ESR1: variants seen among roughly 807,000 people sequenced by gnomAD.
ESR1 encodes estrogen receptor 1, also known as estrogen receptor.
Under a neutral mutation model 52.7 loss-of-function variants are expected in ESR1, and 12 were observed. The observed-to-expected ratio is 0.23, with a 90% CI of 0.15 to 0.37. The LOEUF is 0.37. Among genes scored for constraint, ESR1 ranks in the 10% least tolerant of loss-of-function variants. The probability of loss-of-function intolerance (pLI) is 1.00; values close to 1 mark genes in which losing one functional copy is unlikely to be tolerated. For missense variants in ESR1, 584 were observed against 779.7 expected (o/e 0.75, Z 2.99); for synonymous variants, 305 against 316.8 (o/e 0.96, Z 0.39).
intron 5 of ESR1, among the ~76,000 whole-genome samples, chr6:152,045,108 C>T (rs931002161): frequency 6.6e-6 from 1 of 152,156 alleles, no homozygotes; most frequent in East Asian, 1.9e-4. Flanking sequence ...CATGTTAACT[C>T]AGTCTTAATC....
chr6:151,880,478 G>A (rs1792704644), intron 2 of ESR1, among the ~76,000 whole-genome samples, 177 bp from the exon 3 acceptor site: 1 of 152,104 alleles, frequency 6.6e-6, no homozygotes, highest in African/African-American at 2.4e-5. Context: ...ACCGTGCCCG[G>A]CCCATGAGAG....
intron 2 of ESR1, among the ~76,000 whole-genome samples, chr6:151,705,578 C>T (rs1201237237): frequency 6.6e-6 from 1 of 152,106 alleles, no homozygotes; most frequent in Non-Finnish European, 1.5e-5. Flanking sequence ...TGTCCATTTC[C>T]ACTAATGAAT....
At chr6:152,082,143 G>A (rs529097923) in intron 6 of ESR1, among the ~76,000 whole-genome samples, 4 of 152,234 alleles carry the variant, frequency 2.6e-5, no homozygotes, top group African/African-American at 7.2e-5. Flanking sequence ...ACCAAAACCT[G>A]GCAGAGACAC....
chr6:152,014,576 G>A (rs778624069), intron 5 of ESR1, among the ~76,000 whole-genome samples: 2 of 152,032 alleles, frequency 1.3e-5, no homozygotes, highest in Non-Finnish European at 2.9e-5. Context: ...AGACACTAAA[G>A]CTAGAAGCTT....
intron 3 of ESR1, among the ~76,000 whole-genome samples, chr6:151,933,570 A>G (rs1486641888): frequency 2.0e-5 from 3 of 151,972 alleles, no homozygotes; most frequent in African/African-American, 7.3e-5. Context: ...TTGCCCATTC[A>G]GTATGATATT....
intron 2 of ESR1, among the ~76,000 whole-genome samples, chr6:151,731,943 T>C (rs1047662848): frequency 6.6e-6 from 1 of 152,078 alleles, no homozygotes; most frequent in Non-Finnish European, 1.5e-5. Context: ...CACTGTGAAG[T>C]AGAAGACAAG....
At chr6:151,893,393 T>C (rs1794984041) in intron 3 of ESR1, among the ~76,000 whole-genome samples, 1 of 152,100 alleles carries the variant, frequency 6.6e-6, no homozygotes. Context: ...AGATAATACA[T>C]GGTTTAGTTT....
downstream of ESR1, among the ~76,000 whole-genome samples, chr6:152,105,975 A>G (rs1035334036): frequency 5.5e-5 from 8 of 145,090 alleles, no homozygotes; most frequent in South Asian, 2.3e-4. Context: ...TTTTTTTTTT[A>G]GTAGAGACGG....
chr6:151,967,091 T>G (rs1430312844), intron 4 of ESR1, among the ~76,000 whole-genome samples: 1 of 152,218 alleles, frequency 6.6e-6, no homozygotes, highest in African/African-American at 2.4e-5. Flanking sequence ...TCCTTTTTCA[T>G]TGCAGTTTTC....
At chr6:151,721,352 A>G (rs1781447011) in intron 2 of ESR1, among the ~76,000 whole-genome samples, 1 of 152,174 alleles carries the variant, frequency 6.6e-6, no homozygotes, top group African/African-American at 2.4e-5. Context: ...CAGATCACTC[A>G]AGGGTTTGGT....
At chr6:151,830,132 T>G (rs1782159060) in intron 1 of ESR1, among the ~76,000 whole-genome samples, 6 of 152,212 alleles carry the variant, frequency 3.9e-5, no homozygotes, top group Admixed American at 3.9e-4. Flanking sequence ...GTTTTCATAT[T>G]TGGAGTTCTG....
At chr6:151,915,610 C>T (rs575455640) in intron 3 of ESR1, among the ~76,000 whole-genome samples, 1 of 152,186 alleles carries the variant, frequency 6.6e-6, no homozygotes, top group East Asian at 1.9e-4. Flanking sequence ...TCAGAAAAAT[C>T]AAATGATGAA....
intron 6 of ESR1, among the ~76,000 whole-genome samples, chr6:152,075,373 T>A (rs970556907): frequency 6.6e-6 from 1 of 152,226 alleles, no homozygotes; most frequent in Admixed American, 6.5e-5. Flanking sequence ...ATTCTGTGGC[T>A]CTATTTTTCC....
chr6:152,096,736 C>T (rs900285076), intron 7 of ESR1: 3 of 455,280 alleles, frequency 6.6e-6, no homozygotes, highest in Admixed American at 2.4e-5. Flanking sequence ...TCAGAGTATA[C>T]ATTTCCAGTC....
chr6:152,003,645 A>G (rs2042124091), intron 4 of ESR1, among the ~76,000 whole-genome samples: 1 of 151,974 alleles, frequency 6.6e-6, no homozygotes, highest in South Asian at 2.1e-4. Flanking sequence ...TTAGGAGAGG[A>G]AAACCTTTTC....
At chr6:151,687,290 G>A (rs992078481), upstream of ESR1, among the ~76,000 whole-genome samples, 1 of 152,162 alleles carries the variant, frequency 6.6e-6, no homozygotes, top group Admixed American at 6.5e-5. Flanking sequence ...TGAGAGCATG[G>A]CAATTTTCCT....
intron 5 of ESR1, among the ~76,000 whole-genome samples, chr6:152,014,473 A>T (rs1244276891): frequency 2.7e-5 from 4 of 149,526 alleles, no homozygotes; most frequent in African/African-American, 1.0e-4. Context: ...TAAGCTCCTC[A>T]GACACACTGT....
chr6:151,683,864 A>ATTTTTTTTT (rs66983259), intron 1 of ESR1, among the ~76,000 whole-genome samples: 4 of 118,474 alleles, frequency 3.4e-5, no homozygotes, highest in Non-Finnish European at 6.9e-5. Flanking sequence ...ACGTCTGGCT[A>ATTTTTTTTT]TTTTTTTTTT....
intron 4 of ESR1, among the ~76,000 whole-genome samples, chr6:152,007,902 T>C (rs182297069): frequency 6.6e-6 from 1 of 152,272 alleles, no homozygotes; most frequent in African/African-American, 2.4e-5. Context: ...GATTTACTTT[T>C]TGAATGCCTC....
Sources: gnomAD v4.1 joint callset for allele counts (sites outside exome capture counted in the v4.1 genomes callset) on GRCh38, gnomAD v4.1.1 for gene constraint, MANE v1.5 for transcripts, NCBI Gene and HGNC (gene_info 2026-07-23, HGNC 2026-07-21) for gene names.